SSBP2: variants seen among roughly 807,000 people sequenced by gnomAD.
SSBP2 encodes single stranded DNA binding protein 2.
A neutral mutation model predicts 61.8 loss-of-function variants in SSBP2; 17 were observed. The ratio of observed to expected loss-of-function variants is 0.28; its 90% CI spans 0.19 to 0.41. The LOEUF is 0.41. Ranked by LOEUF, SSBP2 falls within the 10% of genes least tolerant of loss-of-function variation. SSBP2 has a pLI of 1.00. For synonymous variants in SSBP2, 139 were observed against 141.3 expected (o/e 0.98, Z 0.12); for missense variants, 310 against 458.7 (o/e 0.68, Z 2.96).
chr5:81,474,425 T>A lies in SSBP2; in HGVS notation c.499+71A>T. On this transcript the variant is annotated intron_variant, in intron 7 of 16. Coordinates refer to ENST00000320672, the MANE Select transcript of SSBP2 (RefSeq NM_012446.5). The stretch of plus-strand genomic sequence containing the variant: ...GGAGATTTACTTATACAAATACAAT[T>A]TTCCTTAAGAGATAAAAGATTTCCT... 2.2e-6 allele frequency: 3 copies of A among 1,357,886 alleles called. No individual in the cohort carries two copies. In the South Asian group the frequency reaches 3.6e-5, roughly 16 times the overall value. The allele number at this position is 1,357,886 out of a possible 1,614,324, so 84.1% of individuals were successfully genotyped here. A position where few individuals can be genotyped will look rare whatever the true frequency, so the allele number is the denominator to read the frequency against.
chr5:81,746,981 T>C (rs1035718637), intron 1 of SSBP2, among the ~76,000 whole-genome samples: 1 of 141,462 alleles, frequency 7.1e-6, no homozygotes, highest in African/African-American at 2.6e-5. Flanking sequence ...TGTTCACAAC[T>C]ATTATGTTTA....
chr5:81,533,217 A>G (rs1241888751), intron 4 of SSBP2, among the ~76,000 whole-genome samples: 2 of 152,072 alleles, frequency 1.3e-5, no homozygotes, highest in Admixed American at 1.3e-4. Flanking sequence ...AACTAGTACT[A>G]AAAAACATAA....
chr5:81,493,743 G>A (rs1464596489), intron 5 of SSBP2, among the ~76,000 whole-genome samples: 1 of 150,706 alleles, frequency 6.6e-6, no homozygotes, highest in African/African-American at 2.5e-5. Flanking sequence ...GTGGCAGGGT[G>A]AGACTCCATC....
At chr5:81,703,554 TATAATA>T (rs549881122) in intron 1 of SSBP2, among the ~76,000 whole-genome samples, 172 of 151,862 alleles carry the variant, frequency 1.1e-3, no homozygotes, top group African/African-American at 4.0e-3. Context: ...AAACTTAAAG[TATAATA>T]ATAATAAAAT....
At chr5:81,748,795 G>A (rs1244981644) in intron 1 of SSBP2, among the ~76,000 whole-genome samples, 1 of 152,128 alleles carries the variant, frequency 6.6e-6, no homozygotes, top group Non-Finnish European at 1.5e-5. Flanking sequence ...AGATTTGACA[G>A]CAAAGTGGCA....
intron 1 of SSBP2, among the ~76,000 whole-genome samples, chr5:81,652,198 C>T (rs1245612390): frequency 6.6e-6 from 1 of 152,118 alleles, no homozygotes; most frequent in East Asian, 1.9e-4. Context: ...CGGTCAAGGC[C>T]AGGGTACATC....
At chr5:81,697,224 T>G (rs775965493) in intron 1 of SSBP2, among the ~76,000 whole-genome samples, 1 of 152,220 alleles carries the variant, frequency 6.6e-6, no homozygotes, top group Non-Finnish European at 1.5e-5. Flanking sequence ...ATAAGATAAC[T>G]TAAAGTGATA....
chr5:81,677,295 G>A (rs1009808343), intron 1 of SSBP2, among the ~76,000 whole-genome samples: 1 of 152,212 alleles, frequency 6.6e-6, no homozygotes, highest in Admixed American at 6.5e-5. Context: ...AAAATCAACA[G>A]CTATTCTTAG....
At chr5:81,588,847 T>C (rs918757218) in intron 4 of SSBP2, among the ~76,000 whole-genome samples, 1 of 152,202 alleles carries the variant, frequency 6.6e-6, no homozygotes, top group African/African-American at 2.4e-5. Flanking sequence ...GTGGAACTCC[T>C]GAGCCCAAGA....
intron 1 of SSBP2, among the ~76,000 whole-genome samples, chr5:81,664,465 ATAG>A (rs1441272978): frequency 6.6e-6 from 1 of 152,212 alleles, no homozygotes; most frequent in African/African-American, 2.4e-5. Flanking sequence ...AGCTCCTAAA[ATAG>A]TAGGTAACTA....
At chr5:81,432,837 C>T (rs1318622052) in intron 15 of SSBP2, among the ~76,000 whole-genome samples, 1 of 150,180 alleles carries the variant, frequency 6.7e-6, no homozygotes, top group Non-Finnish European at 1.5e-5. Flanking sequence ...GGCCAGCCGC[C>T]CCGTCCGGGA....
intron 1 of SSBP2, among the ~76,000 whole-genome samples, chr5:81,672,890 A>T (rs1292112318): frequency 2.0e-5 from 3 of 147,260 alleles, no homozygotes; most frequent in Non-Finnish European, 3.0e-5. Flanking sequence ...TTTTTTTTTT[A>T]AACAGTCTCG....
intron 12 of SSBP2, among the ~76,000 whole-genome samples, chr5:81,445,595 T>A (rs562274367): frequency 6.6e-6 from 1 of 152,076 alleles, no homozygotes; most frequent in Non-Finnish European, 1.5e-5. Flanking sequence ...CCATTAAATA[T>A]CCAAGGAGTT....
chr5:81,480,267 C>T (rs931881394), intron 6 of SSBP2, among the ~76,000 whole-genome samples: 1 of 152,172 alleles, frequency 6.6e-6, no homozygotes, highest in African/African-American at 2.4e-5. Flanking sequence ...TGTACAGGCA[C>T]ACCTCAGAGA....
intron 4 of SSBP2, among the ~76,000 whole-genome samples, chr5:81,585,812 A>G (rs1297088576): frequency 6.6e-6 from 1 of 152,022 alleles, no homozygotes; most frequent in Non-Finnish European, 1.5e-5. Flanking sequence ...TCTCCCCAGT[A>G]TCCCTCCCCA....
intron 4 of SSBP2, among the ~76,000 whole-genome samples, chr5:81,540,405 T>C (rs1771169920): frequency 6.6e-6 from 1 of 152,208 alleles, no homozygotes; most frequent in African/African-American, 2.4e-5. Context: ...CCAGCATCTG[T>C]TGTTTCCTGA....
chr5:81,686,900 AAAG>A (rs1360094469), intron 1 of SSBP2, among the ~76,000 whole-genome samples: 1 of 149,862 alleles, frequency 6.7e-6, no homozygotes, highest in Non-Finnish European at 1.5e-5. Flanking sequence ...AAAGAAAAGA[AAAG>A]AAAAGAAAAG....
intron 1 of SSBP2, among the ~76,000 whole-genome samples, chr5:81,745,969 T>C (rs1757326439): frequency 6.6e-6 from 1 of 152,102 alleles, no homozygotes; most frequent in South Asian, 2.1e-4. Context: ...GCATATTTGG[T>C]CTATTACTGC....
At chr5:81,635,835 C>A (rs939509669) in intron 3 of SSBP2, among the ~76,000 whole-genome samples, 1 of 152,144 alleles carries the variant, frequency 6.6e-6, no homozygotes, top group African/African-American at 2.4e-5. Context: ...CCACCCGCCT[C>A]GGCCTCCCAA....
Sources: gnomAD v4.1 joint callset for allele counts (sites outside exome capture counted in the v4.1 genomes callset) on GRCh38, gnomAD v4.1.1 for gene constraint, MANE v1.5 for transcripts, NCBI Gene and HGNC (gene_info 2026-07-23, HGNC 2026-07-21) for gene names.